PRKCA: variants seen among roughly 807,000 people sequenced by gnomAD.
PRKCA encodes protein kinase C alpha.
Under a neutral mutation model 87.0 loss-of-function variants are expected in PRKCA, and 27 were observed. The ratio of observed to expected loss-of-function variants is 0.31; its 90% CI spans 0.23 to 0.43. The LOEUF is 0.43. Among genes scored for constraint, PRKCA ranks in the 20% least tolerant of loss-of-function variants. The pLI, the probability that PRKCA is intolerant of heterozygous loss-of-function variation, is 1.00. For synonymous variants in PRKCA, 329 were observed against 311.1 expected, an observed-to-expected ratio of 1.06 and a Z score of -0.61; for missense variants, 518 against 852.3, an observed-to-expected ratio of 0.61 and a Z score of 4.88.
At chr17:66,529,858 A>G (rs1461894840) in intron 3 of PRKCA, among the ~76,000 whole-genome samples, 1 of 152,320 alleles carries the variant, frequency 6.6e-6, no homozygotes, top group Non-Finnish European at 1.5e-5. Context: ...GCTGCTGATT[A>G]TACTGCCTGT....
chr17:66,325,700 C>T lies in PRKCA; in HGVS notation c.205+19573C>T, dbSNP rs970207809. 1.5e-4 allele frequency among the ~76,000 whole-genome samples: 23 copies of T among 152,036 alleles called. 1 individual carries two copies. Among genetic ancestry groups the T allele is most frequent in the Non-Finnish European group, 1.3e-4 (9 of 67,998 alleles). The stretch of plus-strand genomic sequence containing the variant: ...CAGGGTGTAGAGAAGAGAGAAAAAG[C>T]CCTAAGGGGCGGGTGGTTGTGATTT... On this transcript the variant is annotated intron_variant, in intron 2 of 16. Coordinates refer to ENST00000413366, the MANE Select transcript of PRKCA (RefSeq NM_002737.3).
At chr17:66,363,783 A>G (rs1314721200) in intron 2 of PRKCA, among the ~76,000 whole-genome samples, 1 of 152,068 alleles carries the variant, frequency 6.6e-6, no homozygotes, top group Non-Finnish European at 1.5e-5. Flanking sequence ...GCTCACTGCA[A>G]CCTCTGCCTC....
intron 2 of PRKCA, among the ~76,000 whole-genome samples, chr17:66,412,525 G>A (rs4630585): frequency 0.84 from 127,121 of 152,078 alleles, 53,596 homozygotes; most frequent in South Asian, 0.94. Flanking sequence ...CTGAGCCCCA[G>A]GTTTGTGAAC....
At chr17:66,622,007 G>GC (rs1211170406) in intron 3 of PRKCA, among the ~76,000 whole-genome samples, 1 of 150,990 alleles carries the variant, frequency 6.6e-6, no homozygotes, top group African/African-American at 2.4e-5. Context: ...TTCAGGATCA[G>GC]CCCGGGCAAC....
chr17:66,471,265 A>G (rs1465138685), intron 2 of PRKCA, among the ~76,000 whole-genome samples: 1 of 152,242 alleles, frequency 6.6e-6, no homozygotes, highest in Non-Finnish European at 1.5e-5. Context: ...ATACTCTTGC[A>G]TATCAAATAT....
chr17:66,316,796 T>C (rs1206424154), intron 2 of PRKCA, among the ~76,000 whole-genome samples: 1 of 152,098 alleles, frequency 6.6e-6, no homozygotes, highest in East Asian at 1.9e-4. Context: ...TACTCAGTTA[T>C]ACTAGATACA....
chr17:66,324,973 A>G (rs1490698336), intron 2 of PRKCA, among the ~76,000 whole-genome samples: 2 of 152,282 alleles, frequency 1.3e-5, no homozygotes, highest in African/African-American at 2.4e-5. Context: ...CTAGCTACAG[A>G]TCTCCTCTGT....
chr17:66,778,077 C>A, intron 14 of PRKCA: 1 of 985,412 alleles, frequency 1.0e-6, no homozygotes, highest in Non-Finnish European at 1.2e-6. Flanking sequence ...CCCTACTAAG[C>A]TCACGCCCCC....
At chr17:66,340,215 C>T (rs1906956656) in intron 2 of PRKCA, among the ~76,000 whole-genome samples, 3 of 152,076 alleles carry the variant, frequency 2.0e-5, no homozygotes, top group African/African-American at 7.2e-5. Flanking sequence ...TGTTTCAGCC[C>T]ATTGCTTACT....
chr17:66,432,912 C>CA (rs1410675758), intron 2 of PRKCA, among the ~76,000 whole-genome samples: 1 of 152,088 alleles, frequency 6.6e-6, no homozygotes, highest in Non-Finnish European at 1.5e-5. Context: ...GGAAAAACTG[C>CA]AATTACTTTT....
intron 3 of PRKCA, among the ~76,000 whole-genome samples, chr17:66,583,247 T>C (rs769743560): frequency 6.6e-6 from 1 of 152,122 alleles, no homozygotes; most frequent in Non-Finnish European, 1.5e-5. Flanking sequence ...AGTGACAGAT[T>C]TGGTGTTGGG....
At chr17:66,799,613 G>A (rs1208495759) in intron 16 of PRKCA, among the ~76,000 whole-genome samples, 7 of 58,628 alleles carry the variant, frequency 1.2e-4, no homozygotes, top group South Asian at 7.1e-4. Flanking sequence ...GGTGGTGGTG[G>A]TGGTGGTGGT....
intron 3 of PRKCA, among the ~76,000 whole-genome samples, chr17:66,514,282 C>A (rs1195619308): frequency 6.6e-6 from 1 of 152,118 alleles, no homozygotes. Flanking sequence ...TTGTACCTTT[C>A]TCTAGTCTAA....
chr17:66,798,453 CGGTGGTGGTGGTGGT>C (rs1165425981), intron 16 of PRKCA, among the ~76,000 whole-genome samples: 147 of 8,646 alleles, frequency 0.017, no homozygotes, highest in East Asian at 0.039. Context: ...GTGGTGGTGA[CGGTGGTGGTGGTGGT>C]GGTGGTGGTG....
intron 8 of PRKCA, among the ~76,000 whole-genome samples, chr17:66,722,474 A>G (rs1973639145): frequency 1.3e-5 from 2 of 152,224 alleles, no homozygotes; most frequent in Admixed American, 1.3e-4. Flanking sequence ...GTTTTTACAC[A>G]TGTACCATAA....
At chr17:66,750,882 G>A (rs1055779863) in intron 13 of PRKCA, among the ~76,000 whole-genome samples, 9 of 152,152 alleles carry the variant, frequency 5.9e-5, no homozygotes, top group Non-Finnish European at 1.0e-4. Context: ...TTTTCCCTGC[G>A]GTGACTGTTA....
intron 3 of PRKCA, among the ~76,000 whole-genome samples, chr17:66,592,149 G>A (rs924547602): frequency 2.6e-5 from 4 of 152,134 alleles, no homozygotes; most frequent in Non-Finnish European, 4.4e-5. Flanking sequence ...GAGGTCAGGA[G>A]TTTGAGACCA....
chr17:66,780,023 C>T (rs9896905), intron 14 of PRKCA, among the ~76,000 whole-genome samples: 13,914 of 152,214 alleles, frequency 0.091, 773 homozygotes, highest in African/African-American at 0.15. Context: ...AACGCCAGGG[C>T]CTGAGAGCGA....
At chr17:66,573,374 A>G (rs1221340486) in intron 3 of PRKCA, among the ~76,000 whole-genome samples, 2 of 152,218 alleles carry the variant, frequency 1.3e-5, no homozygotes, top group African/African-American at 2.4e-5. Flanking sequence ...TAAAATCTCC[A>G]TGACTGAATT....
Sources: gnomAD v4.1 joint callset for allele counts (sites outside exome capture counted in the v4.1 genomes callset) on GRCh38, gnomAD v4.1.1 for gene constraint, MANE v1.5 for transcripts, NCBI Gene and HGNC (gene_info 2026-07-23, HGNC 2026-07-21) for gene names.